Variants in NBEAL1 observed in about 807,000 individuals in gnomAD.
NBEAL1 encodes neurobeachin like 1, also known as neurobeachin-like protein 1.
Under a neutral mutation model 351.3 loss-of-function variants are expected in NBEAL1, and 273 were observed. That is an observed-to-expected ratio of 0.78 (90% confidence interval 0.70 to 0.86). The LOEUF (loss-of-function observed/expected upper bound fraction) is 0.86, where lower values mean the gene tolerates loss of function less well. NBEAL1 is among the 40% of genes least tolerant of loss of function. The pLI, the probability that NBEAL1 is intolerant of heterozygous loss-of-function variation, is 0.00. For missense variants in NBEAL1, 2,961 were observed against 3,201.3 expected (o/e 0.92, Z 1.81); for synonymous variants, 1,050 against 1,086.4 (o/e 0.97, Z 0.66).
At chr2:203,084,610 C>A in intron 10 of NBEAL1, 41 bp downstream of exon 10, 1 of 1,223,676 alleles carries the variant, frequency 8.2e-7, no homozygotes, top group Non-Finnish European at 1.1e-6. Context: ...TTTTAAGAAG[C>A]TATTTTTTGT....
intron 17 of NBEAL1, 124 bp downstream of exon 17, chr2:203,113,442 G>T: frequency 3.4e-6 from 2 of 591,920 alleles, no homozygotes; most frequent in Non-Finnish European, 2.5e-6. Flanking sequence ...CATGTGAAGA[G>T]TGTATTTGTT....
chr2:203,132,217 A>G, intron 26 of NBEAL1, 85 bp downstream of exon 26: 1 of 874,110 alleles, frequency 1.1e-6, no homozygotes, highest in East Asian at 2.8e-5. Flanking sequence ...GGCTGCTTTT[A>G]AAATATCTGT....
At position 203,220,194 on chromosome 2, in the gene NBEAL1, T is replaced by TCTC. The variant is rs1205790253; in HGVS notation, c.*2842_*2843insCCT. Among the ~76,000 whole-genome samples, 2 of 152,086 alleles carry TCTC rather than the reference T, an allele frequency of 1.3e-5. No homozygotes were observed. The highest frequency in any genetic ancestry group is 2.9e-5 in the Non-Finnish European group (2 of 68,002). On this transcript the variant is annotated 3_prime_UTR_variant, in exon 56 of 56. Coordinates refer to ENST00000683969, the MANE Select transcript of NBEAL1 (RefSeq NM_001378026.1). ...GTATCTCAAGTTGGCTCTTACAAAG[T>TCTC]CTGTTACCTGGCCAATTGTGGTGGC...
chr2:203,167,194 G>C (rs1424313546), intron 37 of NBEAL1, 33 bp from the exon 38 acceptor site: 9 of 1,587,042 alleles, frequency 5.7e-6, no homozygotes, highest in Non-Finnish European at 6.8e-6. Flanking sequence ...ACTTTATATG[G>C]TATCTCAGTC....
At position 203,135,990 on chromosome 2, in the gene NBEAL1, A is replaced by G. The variant is rs565777332; in HGVS notation, c.4127A>G (p.Asp1376Gly). The change falls in exon 28 of 56, where the codon GAT becomes GGT. Residue 1376 changes from aspartate to glycine, a missense_variant. Coordinates refer to ENST00000683969, the MANE Select transcript of NBEAL1 (RefSeq NM_001378026.1). The part of the protein sequence containing the change: ...LDSNTPLFPE[D>G]SSVGELSFKS... The stretch of plus-strand genomic sequence containing the variant: ...TCAAACACACCATTATTTCCAGAAG[A>G]TAGCTCTGTGGGAGAATTGTCTTTC... The G allele has an allele frequency of 1.2e-6, 2 of 1,613,880 alleles. No homozygotes were observed. Among genetic ancestry groups the G allele is most frequent in the Admixed American group, 1.7e-5 (1 of 60,000 alleles).
rs566255056 is a variant in NBEAL1, at chr2:203,120,769, A to G, written c.2593-1485A>G. On this transcript the variant is annotated intron_variant, in intron 18 of 55. Coordinates refer to ENST00000683969, the MANE Select transcript of NBEAL1 (RefSeq NM_001378026.1). ...GTTGGATTGGAGGAATGGATTCTAG[A>G]GAGTGTCATACCATTAGGAGATTAT... is the stretch of plus-strand genomic sequence containing the variant. 7.9e-5 allele frequency among the ~76,000 whole-genome samples: 12 copies of G among 152,314 alleles called. No individual in the cohort carries two copies. In the South Asian group the frequency reaches 2.5e-3, roughly 32 times the overall value.
chr2:203,128,073 T>G, intron 24 of NBEAL1, 136 bp downstream of exon 24: 1 of 626,190 alleles, frequency 1.6e-6, no homozygotes, highest in South Asian at 2.0e-5. Flanking sequence ...ATTATGCACT[T>G]AAGAAGTAAA....
In NBEAL1 at chr2:203,099,635, C is replaced by T; in HGVS notation, c.1192C>T (p.Gln398Ter). The change falls in exon 12 of 56, where the codon CAG becomes TAG. Residue 398 changes from glutamine (Q) to a stop codon, truncating the protein, a stop_gained. Transcript: ENST00000683969. LOFTEE classifies it high-confidence loss of function. The stretch of plus-strand genomic sequence containing the variant: ...TCCCCTTCCCCCTCAATAGGTGTTT[C>T]AGGGACAATTGGATTGTTTGGCCAT... Reference protein sequence around the residue: ...LTEMNEDQVFQGQLDCLAIST... With the variant: ...LTEMNEDQVF 1 of 1,544,160 alleles carries T rather than the reference C, an allele frequency of 6.5e-7. No homozygotes were observed.
chr2:203,141,380 T>A (rs1227217081), intron 31 of NBEAL1, among the ~76,000 whole-genome samples: 58 of 89,282 alleles, frequency 6.5e-4, no homozygotes, highest in African/African-American at 1.7e-3. Context: ...TTTTTTTTTT[T>A]TTTTTTTTTT....
At chr2:203,040,167 G>C in intron 2 of NBEAL1, 11 of 1,512,272 alleles carry the variant, frequency 7.3e-6, no homozygotes, top group Non-Finnish European at 1.0e-5. Flanking sequence ...TGAAAAAGAG[G>C]AAGGCTTATC....
chr2:203,164,205 T>C (rs1003748361), intron 36 of NBEAL1, among the ~76,000 whole-genome samples: 3 of 151,836 alleles, frequency 2.0e-5, no homozygotes, highest in Non-Finnish European at 4.4e-5. Context: ...AAAAAAAAGA[T>C]TGCACCACTG....
chr2:203,054,411 G>A (rs1057205092), intron 4 of NBEAL1, among the ~76,000 whole-genome samples: 6 of 149,926 alleles, frequency 4.0e-5, no homozygotes, highest in Non-Finnish European at 5.9e-5. Context: ...GGGTGACAGA[G>A]CAAGACTCAG....
At chr2:203,055,757 A>G (rs1426362000) in intron 4 of NBEAL1, among the ~76,000 whole-genome samples, 1 of 152,230 alleles carries the variant, frequency 6.6e-6, no homozygotes, top group Non-Finnish European at 1.5e-5. Flanking sequence ...GAAAGATTTT[A>G]GGTATAGTAA....
At chr2:203,047,733 TTC>T (rs2061251830) in intron 3 of NBEAL1, among the ~76,000 whole-genome samples, 1 of 125,966 alleles carries the variant, frequency 7.9e-6, no homozygotes, top group Admixed American at 1.0e-4. Context: ...AATTTTCTAT[TTC>T]TTTCTATTTT....
At chr2:203,169,463 G>A (rs1310446029) in intron 38 of NBEAL1, among the ~76,000 whole-genome samples, 1 of 150,244 alleles carries the variant, frequency 6.7e-6, no homozygotes, top group Middle Eastern at 3.5e-3. Flanking sequence ...CACTTTGAGA[G>A]CTTGAGGTGG....
intron 2 of NBEAL1, among the ~76,000 whole-genome samples, chr2:203,030,631 A>T (rs1474761208): frequency 6.6e-6 from 1 of 152,192 alleles, no homozygotes; most frequent in Non-Finnish European, 1.5e-5. Flanking sequence ...TCCTCCCTCC[A>T]CTAGGACTTC....
intron 36 of NBEAL1, among the ~76,000 whole-genome samples, chr2:203,159,265 G>T (rs915111924): frequency 1.2e-4 from 19 of 152,116 alleles, no homozygotes; most frequent in African/African-American, 2.2e-4. Context: ...ATACAGTGGG[G>T]TTTTTTTAAT....
At chr2:203,175,074 T>C (rs1284227732) in intron 41 of NBEAL1, 73 bp from the exon 42 acceptor site, 13 of 1,278,260 alleles carry the variant, frequency 1.0e-5, no homozygotes, top group African/African-American at 1.5e-5. Context: ...TTTTCAGAAA[T>C]AAAATACAAA....
At chr2:203,158,537 C>T (rs1183686885) in intron 36 of NBEAL1, among the ~76,000 whole-genome samples, 1 of 152,038 alleles carries the variant, frequency 6.6e-6, no homozygotes, top group Non-Finnish European at 1.5e-5. Context: ...GTATTAATTT[C>T]CTCATCTCCT....
Sources: allele counts gnomAD v4.1 joint callset (sites outside exome capture counted in the v4.1 genomes callset), GRCh38; gene constraint gnomAD v4.1.1; transcripts MANE v1.5; gene names NCBI Gene and HGNC (gene_info 2026-07-23, HGNC 2026-07-21).